PLTP: variants seen among roughly 807,000 people sequenced by gnomAD.
The protein encoded by PLTP is phospholipid transfer protein.
PLTP carries 43 observed loss-of-function variants against 54.1 expected under a neutral mutation model. That is an observed-to-expected ratio of 0.79 (90% CI 0.62 to 1.02). PLTP has a LOEUF of 1.02. PLTP is among the 50% of genes least tolerant of loss of function. The pLI, the probability that PLTP is intolerant of heterozygous loss-of-function variation, is 0.00. For missense variants in PLTP, 604 were observed against 645.9 expected, an observed-to-expected ratio of 0.94 and a Z score of 0.70; for synonymous variants, 263 against 264.6, an observed-to-expected ratio of 0.99 and a Z score of 0.06.
At position 45,911,196 on chromosome 20, in the gene PLTP, C is replaced by T. The variant is rs1804163; in HGVS notation, c.156G>A (p.Pro52=). The change falls in exon 3 of 16, where the codon CCG becomes CCA. Residue 52 remains proline, a synonymous_variant. Coordinates refer to ENST00000372431, the MANE Select transcript of PLTP (RefSeq NM_006227.4). ...LEQELETITI[P]DLRGKEGHFY... ...AGTGGCCTTCTTTGCCCCGCAGGTC[C>T]GGAATGGTGATAGTCTCCAGCTCTT... 2 of 1,614,030 alleles carry T rather than the reference C, an allele frequency of 1.2e-6. No individual in the cohort carries two copies. Among genetic ancestry groups the T allele is most frequent in the African/African-American group, 1.3e-5 (1 of 74,916 alleles).
chr20:45,905,162 G>A (rs755907426), intron 8 of PLTP, 44 bp from the exon 9 acceptor site: 7 of 1,579,706 alleles, frequency 4.4e-6, no homozygotes, highest in Non-Finnish European at 6.1e-6. Flanking sequence ...AGACTGGCCT[G>A]GCACCTGGAC....
intron 7 of PLTP, 119 bp from the exon 8 acceptor site, chr20:45,906,478 G>C: frequency 1.3e-6 from 1 of 784,746 alleles, no homozygotes; most frequent in Non-Finnish European, 2.2e-6. Context: ...GTTGTCATGA[G>C]GGTCAAATTA....
intron 15 of PLTP, 50 bp from the exon 16 acceptor site, chr20:45,899,113 A>G: frequency 1.2e-6 from 2 of 1,610,570 alleles, no homozygotes; most frequent in South Asian, 1.1e-5. Flanking sequence ...TATTGAGGCC[A>G]GAGTTTAGAG....
intron 12 of PLTP, 111 bp downstream of exon 12, chr20:45,902,156 A>G: frequency 8.7e-7 from 1 of 1,152,956 alleles, no homozygotes; most frequent in Middle Eastern, 2.7e-4. Context: ...ACAAAGACAG[A>G]CCCCAGCTCT....
intron 1 of PLTP, 131 bp from the exon 2 acceptor site, chr20:45,911,594 A>T: frequency 1.6e-6 from 2 of 1,271,174 alleles, no homozygotes; most frequent in South Asian, 2.6e-5. Flanking sequence ...GGAACCAATA[A>T]TCTTGCCTCC....
Position 45,909,498 on chromosome 20 carries a change from G to C in PLTP, c.485+18C>G, listed in dbSNP as rs770563476. The stretch of plus-strand genomic sequence containing the variant: ...TGGGGCTCGAAAAGGGTGAGCTGGG[G>C]TTGGGGCTGGGGCTTACTTGAAGGT... On this transcript the variant is annotated intron_variant, in intron 5 of 15. Transcript: ENST00000372431. 1.9e-6 allele frequency: 3 copies of C among 1,613,736 alleles called. No homozygotes were observed. The South Asian group carries it at 3.3e-5, about 18-fold the overall frequency.
At chr20:45,911,074 G>A (rs2083285455) in intron 3 of PLTP, 78 bp downstream of exon 3, 7 of 1,611,168 alleles carry the variant, frequency 4.3e-6, no homozygotes, top group Admixed American at 1.7e-5. Flanking sequence ...CCAGTCTCCC[G>A]AGACCCTGAG....
intron 15 of PLTP, 84 bp downstream of exon 15, chr20:45,899,378 G>A: frequency 7.1e-7 from 1 of 1,401,970 alleles, no homozygotes; most frequent in East Asian, 2.3e-5. Context: ...TAATGGGGGA[G>A]CTGGGGTCAG....
chr20:45,909,654 A>C lies in PLTP; in HGVS notation c.347T>G (p.Ile116Ser). 1 of 1,614,124 alleles carries C rather than the reference A, an allele frequency of 6.2e-7. No homozygotes were observed. Among genetic ancestry groups the C allele is most frequent in the Non-Finnish European group, 8.5e-7 (1 of 1,180,024 alleles). Residue 116 changes from isoleucine to serine, a missense_variant, in exon 5 of 16, where the codon ATC becomes AGC. Ile to Ser is a moderately radical substitution (Grantham distance 142, BLOSUM62 -2). Transcript: ENST00000372431. ...GGACACACCCTCAGCTGAGGCGTTGATGTAGCCCCCATCATAGCTGCCAGG... is the reference window on the plus strand; with the variant it reads ...GGACACACCCTCAGCTGAGGCGTTGCTGTAGCCCCCATCATAGCTGCCAGG... ...LYWFFYDGGY[I>S]NASAEGVSIR...
At chr20:45,905,958 C>T (rs562473444) in intron 8 of PLTP, among the ~76,000 whole-genome samples, 17 of 152,184 alleles carry the variant, frequency 1.1e-4, no homozygotes, top group Non-Finnish European at 2.1e-4. Context: ...CCAGCTCCTT[C>T]GGGGGAGTTG....
At chr20:45,910,921 C>G in intron 3 of PLTP, 1 of 1,419,920 alleles carries the variant, frequency 7.0e-7, no homozygotes, top group Non-Finnish European at 9.2e-7. Context: ...CTGCTTCCTT[C>G]TTGGCCCCCT....
chr20:45,906,205 A>G, intron 8 of PLTP, 63 bp downstream of exon 8: 2 of 1,151,600 alleles, frequency 1.7e-6, no homozygotes, highest in Non-Finnish European at 2.6e-6. Flanking sequence ...AAATCTTGCA[A>G]CTTAGCAGAG....
At chr20:45,909,423 G>T in intron 5 of PLTP, 93 bp downstream of exon 5, 1 of 1,404,972 alleles carries the variant, frequency 7.1e-7, no homozygotes, top group Non-Finnish European at 1.0e-6. Context: ...GACCCAGTTG[G>T]TCTGATTCCC....
intron 8 of PLTP, among the ~76,000 whole-genome samples, 180 bp from the exon 9 acceptor site, chr20:45,905,298 A>T (rs189443320): frequency 1.5e-3 from 226 of 152,318 alleles, no homozygotes; most frequent in Non-Finnish European, 2.7e-3. Context: ...ACCTGCTACC[A>T]GGGGGCGAGC....
chr20:45,899,959 G>T, intron 12 of PLTP, 81 bp from the exon 13 acceptor site: 1 of 1,256,812 alleles, frequency 8.0e-7, no homozygotes, highest in Non-Finnish European at 1.1e-6. Flanking sequence ...CCTGCCAGAG[G>T]TGTCTGAGTT....
chr20:45,899,459 C>G lies in PLTP; in HGVS notation c.1359+3G>C. 1.9e-6 allele frequency: 3 copies of G among 1,614,032 alleles called. No homozygotes were observed. Among genetic ancestry groups the G allele is most frequent in the Non-Finnish European group, 2.5e-6 (3 of 1,179,946 alleles). Reference sequence around the variant, plus strand: ...CCTCCTTCCCCATCCTGCCCCCACTCACCGCATGGTTCGTCACCACCTCAT... The same window carrying G: ...CCTCCTTCCCCATCCTGCCCCCACTGACCGCATGGTTCGTCACCACCTCAT... On this transcript the variant is annotated splice_donor_region_variant and intron_variant, in intron 15 of 15. Coordinates refer to ENST00000372431, the MANE Select transcript of PLTP (RefSeq NM_006227.4).
At chr20:45,910,833 A>G in intron 3 of PLTP, 1 of 1,249,498 alleles carries the variant, frequency 8.0e-7, no homozygotes, top group Non-Finnish European at 1.0e-6. Context: ...CGTGCCCGAG[A>G]CTCCACTCTC....
At position 45,899,550 on chromosome 20, in the gene PLTP, A is replaced by G. The variant is rs776079551; in HGVS notation, c.1283-12T>C. On this transcript the variant is annotated splice_polypyrimidine_tract_variant and intron_variant, in intron 14 of 15. Coordinates refer to ENST00000372431, the MANE Select transcript of PLTP (RefSeq NM_006227.4). ...ACGCCAGGTCCGCTCTGTGGGTGGG[A>G]GCACCCCGCTCAGTCTGGGCCCGCC... is the stretch of plus-strand genomic sequence containing the variant. 24 of 1,613,832 alleles carry G rather than the reference A, an allele frequency of 1.5e-5. No individual in the cohort carries two copies. In the Admixed American group the frequency reaches 3.8e-4, roughly 26 times the overall value.
chr20:45,899,350 A>G, intron 15 of PLTP, 112 bp downstream of exon 15: 1 of 1,193,388 alleles, frequency 8.4e-7, no homozygotes, highest in Non-Finnish European at 1.2e-6. Flanking sequence ...CTAAGATTAA[A>G]ATGGGAGGGG....
Sources: allele counts gnomAD v4.1 joint callset (sites outside exome capture counted in the v4.1 genomes callset), GRCh38; gene constraint gnomAD v4.1.1; transcripts MANE v1.5; gene names NCBI Gene and HGNC (gene_info 2026-07-23, HGNC 2026-07-21).